The following WBP4 variants were observed in gnomAD, a reference collection of about 807,000 sequenced individuals.
WBP4 encodes the protein WW domain-binding protein 4.
WBP4 carries 37 observed loss-of-function variants against 55.4 expected under a neutral mutation model. That is an observed-to-expected ratio of 0.67 (90% CI 0.51 to 0.88). The LOEUF (loss-of-function observed/expected upper bound fraction) is 0.88, where lower values mean the gene tolerates loss of function less well. WBP4 is among the 40% of genes least tolerant of loss of function. The pLI is 0.00. For missense variants in WBP4, 398 were observed against 420.8 expected, an observed-to-expected ratio of 0.95 and a Z score of 0.47; for synonymous variants, 142 against 140.2, an observed-to-expected ratio of 1.01 and a Z score of -0.09.
intron 8 of WBP4, among the ~76,000 whole-genome samples, chr13:41,080,434 T>C (rs1399555116): frequency 6.6e-6 from 1 of 152,200 alleles, no homozygotes; most frequent in African/African-American, 2.4e-5. Context: ...GGTGGTGATT[T>C]AGGGAGCCTT....
In WBP4 at chr13:41,082,794, T is replaced by G; in HGVS notation, c.1011T>G (p.Phe337Leu). ...GTGGCGGAGAACCCAAAGTGGTATT[T>G]AAAGAAAAAACAGTCACTTCTCTTG... ...ADGGGEPKVV[F>L]KEKTVTSLGV... The change falls in exon 10 of 10, where the codon TTT (phenylalanine) becomes TTG (leucine). Residue 337 changes from phenylalanine (F) to leucine (L), a missense_variant. Phe to Leu is a conservative substitution (Grantham distance 22). Coordinates refer to ENST00000379487, the MANE Select transcript of WBP4 (RefSeq NM_007187.5). 2 of 1,614,028 alleles carry G rather than the reference T, an allele frequency of 1.2e-6. No homozygotes were observed. The highest frequency in any genetic ancestry group is 1.7e-6 in the Non-Finnish European group (2 of 1,180,004).
At chr13:41,071,905 G>A (rs745760024) in intron 6 of WBP4, among the ~76,000 whole-genome samples, 39 of 152,002 alleles carry the variant, frequency 2.6e-4, no homozygotes, top group Non-Finnish European at 4.6e-4. Flanking sequence ...TTAGCCAGGC[G>A]CAGTCGCAGT....
At chr13:41,066,657 G>T (rs1877986560) in intron 4 of WBP4, among the ~76,000 whole-genome samples, 1 of 152,044 alleles carries the variant, frequency 6.6e-6, no homozygotes, top group East Asian at 1.9e-4. Context: ...CATAACAAAT[G>T]GTGAATAAAT....
At position 41,076,250 on chromosome 13, in the gene WBP4, A is replaced by AT. The variant is rs1878481694; in HGVS notation, c.756+17dup. Reference sequence around the variant, plus strand: ...AATAAAGTTTAAGGTAGGTTTTTAAATTTTACTCTTCACATCAAATTTTTT... The same window carrying AT: ...AATAAAGTTTAAGGTAGGTTTTTAAATTTTTACTCTTCACATCAAATTTTTT... On this transcript the variant is annotated intron_variant, in intron 8 of 9. Coordinates refer to ENST00000379487, the MANE Select transcript of WBP4 (RefSeq NM_007187.5). The AT allele has an allele frequency of 6.6e-7, 1 of 1,514,570 alleles. No individual in the cohort carries two copies. The highest frequency in any genetic ancestry group is 1.3e-5 in the South Asian group (1 of 78,826). 93.8% of individuals were successfully genotyped at this position (1,514,570 alleles called of 1,614,324 possible). A position where few individuals can be genotyped will look rare whatever the true frequency, so the allele number is the denominator to read the frequency against.
intron 7 of WBP4, among the ~76,000 whole-genome samples, chr13:41,073,528 AAGT>A (rs1411373117): frequency 2.6e-5 from 4 of 151,914 alleles, no homozygotes; most frequent in Admixed American, 6.6e-5. Context: ...AAAAAAAAAA[AAGT>A]AGGCTAGGCG....
At chr13:41,064,116 T>C (rs1877834109) in intron 2 of WBP4, among the ~76,000 whole-genome samples, 1 of 152,024 alleles carries the variant, frequency 6.6e-6, no homozygotes, top group Non-Finnish European at 1.5e-5. Context: ...TCTACATGCA[T>C]GTAGACACAA....
intron 1 of WBP4, 129 bp downstream of exon 1, chr13:41,061,804 C>T (rs1030375843): frequency 6.6e-5 from 96 of 1,464,376 alleles, no homozygotes; most frequent in Middle Eastern, 4.7e-4. Context: ...TTAACTCGCT[C>T]GGGACCGGCC....
In WBP4 at chr13:41,061,536, C is replaced by G; in HGVS notation, c.-138C>G. The G allele has an allele frequency of 3.6e-6, 5 of 1,383,894 alleles. No homozygotes were observed. The highest frequency in any genetic ancestry group is 4.0e-6 in the Non-Finnish European group (4 of 992,492). The allele number at this position is 1,383,894 out of a possible 1,614,324, so 85.7% of individuals were successfully genotyped here. ...AGTTGGGAACAGCGGAACGCTGGTC[C>G]CGGGGACTGAGTAAGGTGTCTGGAT... On this transcript the variant is annotated 5_prime_UTR_variant, in exon 1 of 10. Coordinates refer to ENST00000379487, the MANE Select transcript of WBP4 (RefSeq NM_007187.5).
chr13:41,074,533 G>A (rs912544217), intron 7 of WBP4, among the ~76,000 whole-genome samples: 1 of 152,150 alleles, frequency 6.6e-6, no homozygotes, highest in African/African-American at 2.4e-5. Flanking sequence ...AGACAGATCT[G>A]AGTTCAATGC....
At chr13:41,069,238 G>A (rs1878120718) in intron 5 of WBP4, among the ~76,000 whole-genome samples, 1 of 152,148 alleles carries the variant, frequency 6.6e-6, no homozygotes, top group Non-Finnish European at 1.5e-5. Context: ...AAAATACACA[G>A]TGCCATGGCC....
chr13:41,074,369 T>C (rs1878385956), intron 7 of WBP4, among the ~76,000 whole-genome samples: 2 of 152,234 alleles, frequency 1.3e-5, no homozygotes, highest in Admixed American at 6.5e-5. Context: ...GCTCATTGCA[T>C]AGCATTAAAT....
intron 4 of WBP4, among the ~76,000 whole-genome samples, chr13:41,065,634 C>T (rs114608283): frequency 1.3e-4 from 20 of 152,186 alleles, no homozygotes; most frequent in African/African-American, 4.6e-4. Context: ...TAAAAATAGG[C>T]CTTGCATTAT....
At chr13:41,073,088 T>A (rs1878320798) in intron 7 of WBP4, among the ~76,000 whole-genome samples, 1 of 152,222 alleles carries the variant, frequency 6.6e-6, no homozygotes, top group Non-Finnish European at 1.5e-5. Context: ...GATATTGCAT[T>A]CACAAACTTA....
At position 41,082,800 on chromosome 13, in the gene WBP4, A is replaced by G; in HGVS notation, c.1017A>G (p.Glu339=). The change falls in exon 10 of 10, where the codon GAA becomes GAG. Residue 339 remains glutamate (E), a synonymous_variant. Transcript: ENST00000379487. ...GGGEPKVVFK[E]KTVTSLGVMA... ...GAGAACCCAAAGTGGTATTTAAAGA[A>G]AAAACAGTCACTTCTCTTGGAGTTA... The G allele has an allele frequency of 1.2e-6, 2 of 1,614,158 alleles. No individual in the cohort carries two copies. The highest frequency in any genetic ancestry group is 1.7e-6 in the Non-Finnish European group (2 of 1,180,020).
Position 41,082,848 on chromosome 13 carries a change from C to T in WBP4, c.1065C>T (p.Val355=), listed in dbSNP as rs754147527. The T allele has an allele frequency of 1.9e-6, 3 of 1,613,974 alleles. No homozygotes were observed. In the South Asian group the frequency reaches 3.3e-5, roughly 18 times the overall value. The change falls in exon 10 of 10, where the codon GTC becomes GTT. Residue 355 remains valine (V), a synonymous_variant. Transcript: ENST00000379487. ...TTATGGCAGATGGAGTGGCCCCAGT[C>T]TTCAAAAAGAGAAGAACTGAAAATG... ...LGVMADGVAP[V]FKKRRTENGK...
chr13:41,082,022 C>T (rs1289927072), intron 9 of WBP4, among the ~76,000 whole-genome samples: 1 of 152,034 alleles, frequency 6.6e-6, no homozygotes, highest in Non-Finnish European at 1.5e-5. Context: ...CTAGGGAGTA[C>T]GGTACTGTGA....
intron 5 of WBP4, among the ~76,000 whole-genome samples, chr13:41,070,786 G>A (rs1878208685): frequency 6.6e-6 from 1 of 152,144 alleles, no homozygotes; most frequent in Non-Finnish European, 1.5e-5. Context: ...AGAAAAGCCA[G>A]CAAAAGAAGG....
rs548953320 is a variant in WBP4 at position 41,076,678 on chromosome 13, A to G, written c.756+441A>G. The stretch of plus-strand genomic sequence containing the variant: ...CAACTGGATAAATAAAACCGGGAAC[A>G]CTCAGGAGCCCATGAGTCAAAGCAG... On this transcript the variant is annotated intron_variant, in intron 8 of 9. Transcript: ENST00000379487. 1.2e-3 allele frequency among the ~76,000 whole-genome samples: 181 copies of G among 152,290 alleles called. 1 individual carries two copies. Among genetic ancestry groups the G allele is most frequent in the African/African-American group, 4.3e-3 (179 of 41,558 alleles).
rs367771422 is a variant in WBP4, at chr13:41,083,129, T to A, written c.*215T>A. ...CATTGCATTGTAATACAGTGTATTA[T>A]GTTCAGTGTCTAAAAACTGCTAATT... On this transcript the variant is annotated 3_prime_UTR_variant, in exon 10 of 10. Transcript: ENST00000379487. 1.6e-3 allele frequency: 725 copies of A among 453,508 alleles called. 14 individuals are homozygous for A. In the South Asian group the frequency reaches 0.023, roughly 15 times the overall value. The allele number at this position is 453,508 out of a possible 1,614,324, so 28.1% of individuals were successfully genotyped here.
Sources: gnomAD v4.1 joint callset for allele counts (sites outside exome capture counted in the v4.1 genomes callset) on GRCh38, gnomAD v4.1.1 for gene constraint, MANE v1.5 for transcripts, NCBI Gene and HGNC (gene_info 2026-07-23, HGNC 2026-07-21) for gene names.